Variants in ZNF814 observed in about 807,000 individuals in gnomAD.
ZNF814 encodes zinc finger protein 814.
In ZNF814, 5 loss-of-function variants were observed where a neutral mutation model predicts 7.5. That is an observed-to-expected ratio of 0.67 (90% CI 0.35 to 1.40). The LOEUF (loss-of-function observed/expected upper bound fraction) is 1.40, where lower values mean the gene tolerates loss of function less well. Among genes scored for constraint, ZNF814 ranks in the 40% most tolerant of loss-of-function variants. The pLI is 0.04. For missense variants in ZNF814, 962 were observed against 1,018.0 expected (o/e 0.94, Z 0.75); for synonymous variants, 315 against 340.7 (o/e 0.92, Z 0.83).
chr19:57,888,993 C>G lies in ZNF814; in HGVS notation c.-191G>C. On this transcript the variant is annotated 5_prime_UTR_variant, in exon 1 of 3. Coordinates refer to ENST00000435989, the MANE Select transcript of ZNF814 (RefSeq NM_001144989.2). Reference sequence around the variant, plus strand: ...TTCAGTCACCACAGTGCGGACCTAGCGCTCAGGAGCCTCTCCTACAAATAA... The same window carrying G: ...TTCAGTCACCACAGTGCGGACCTAGGGCTCAGGAGCCTCTCCTACAAATAA... 1.7e-6 allele frequency: 1 copy of G among 599,740 alleles called. No individual in the cohort carries two copies. The highest frequency in any genetic ancestry group is 2.9e-6 in the Non-Finnish European group (1 of 340,880). 37.2% of individuals were successfully genotyped at this position (599,740 alleles called of 1,614,324 possible).
chr19:57,885,747 G>T (rs1363928642), intron 1 of ZNF814: 1 of 151,512 alleles, frequency 6.6e-6, no homozygotes, highest in South Asian at 2.1e-4. Context: ...GCACAACAGG[G>T]TGACTACAGT....
chr19:57,892,888 T>C (rs1164759013), upstream of ZNF814, among the ~76,000 whole-genome samples: 1 of 152,228 alleles, frequency 6.6e-6, no homozygotes, highest in Non-Finnish European at 1.5e-5. Context: ...TTGAAACTCA[T>C]GGTCGGAGGT....
chr19:57,904,096 C>G, the ZNF814 span, among the ~76,000 whole-genome samples: 12 of 152,128 alleles, frequency 7.9e-5, no homozygotes, highest in Non-Finnish European at 1.5e-4. Flanking sequence ...GGAGTGTGTC[C>G]AGACTCACTG....
At chr19:57,889,468 G>A (rs2071720918), upstream of ZNF814, among the ~76,000 whole-genome samples, 1 of 152,208 alleles carries the variant, frequency 6.6e-6, no homozygotes, top group South Asian at 2.1e-4. Flanking sequence ...GGGAGCCTGA[G>A]GAGGGAGAAT....
the ZNF814 span, among the ~76,000 whole-genome samples, chr19:57,904,231 C>G: frequency 1.1e-4 from 17 of 152,330 alleles, no homozygotes; most frequent in East Asian, 3.3e-3. Flanking sequence ...TGATGCACCG[C>G]TTTCTACCCC....
At chr19:57,875,337 G>A (rs878866032) in intron 2 of ZNF814, 111 bp from the exon 3 acceptor site, 7 of 1,607,302 alleles carry the variant, frequency 4.4e-6, no homozygotes, top group African/African-American at 2.7e-5. Flanking sequence ...ACTACTTGGA[G>A]GAACAGGATG....
At chr19:57,878,684 CCT>C (rs764212690) in intron 1 of ZNF814, among the ~76,000 whole-genome samples, 13 of 152,008 alleles carry the variant, frequency 8.6e-5, no homozygotes, top group Non-Finnish European at 4.4e-5. Flanking sequence ...CTTTCAAACC[CCT>C]GATGTCAAAT....
chr19:57,885,505 A>G (rs2122463624), intron 1 of ZNF814, among the ~76,000 whole-genome samples: 1 of 150,608 alleles, frequency 6.6e-6, no homozygotes, highest in African/African-American at 2.4e-5. Flanking sequence ...TGGCAGGCAC[A>G]TGTAATCCCA....
chr19:57,873,768 A>G lies in ZNF814; in HGVS notation c.1622T>C (p.Ile541Thr), dbSNP rs749463356. 15 of 1,613,606 alleles carry G rather than the reference A, an allele frequency of 9.3e-6. No individual in the cohort carries two copies. In the African/African-American group the frequency reaches 1.9e-4, roughly 20 times the overall value. The change falls in exon 3 of 3, where the codon ATT (isoleucine) becomes ACT (threonine). Residue 541 changes from isoleucine to threonine, a missense_variant. Coordinates refer to ENST00000435989, the MANE Select transcript of ZNF814 (RefSeq NM_001144989.2). ...CTCATAAAGTCTGTCCCCAGTGTGA[A>G]TTTGCTGATGGTTCCTAAGATGTCC... ...SKGHLRNHQQ[I>T]HTGDRLYECG... is the part of the protein sequence containing the mutation.
rs1386756654 is a variant in ZNF814, at chr19:57,888,982, T to G, written c.-180A>C. 4.7e-6 allele frequency: 3 copies of G among 640,516 alleles called. No homozygotes were observed. Among genetic ancestry groups the G allele is most frequent in the Admixed American group, 2.9e-5 (1 of 34,314 alleles). The allele number at this position is 640,516 out of a possible 1,614,324, so 39.7% of individuals were successfully genotyped here. A position where few individuals can be genotyped will look rare whatever the true frequency, so the allele number is the denominator to read the frequency against. ...CGACTTCTGGGTTCAGTCACCACAG[T>G]GCGGACCTAGCGCTCAGGAGCCTCT... On this transcript the variant is annotated 5_prime_UTR_variant, in exon 1 of 3. Transcript: ENST00000435989.
In ZNF814 at chr19:57,874,059, G is replaced by C. The variant is rs1384894575; in HGVS notation, c.1331C>G (p.Ser444Cys). 3.1e-6 allele frequency: 5 copies of C among 1,609,742 alleles called. No homozygotes were observed. The highest frequency in any genetic ancestry group is 2.2e-5 in the East Asian group (1 of 44,618). ...CCTAAGATGTCCTTCTGAACTAAAA[G>C]ATTTCCCACATTCTTCACACCCATA... is the stretch of plus-strand genomic sequence containing the variant. ...KPYGCEECGK[S>C]FSSEGHLRSH... The change falls in exon 3 of 3, where the codon TCT (serine) becomes TGT (cysteine). Residue 444 changes from serine (S) to cysteine (C), a missense_variant. Transcript: ENST00000435989.
chr19:57,902,876 T>A, the ZNF814 span, among the ~76,000 whole-genome samples: 2 of 151,998 alleles, frequency 1.3e-5, no homozygotes, highest in Admixed American at 6.6e-5. Flanking sequence ...AGACGGAGTT[T>A]CACCGTGTTA....
chr19:57,873,385 A>C lies in ZNF814; in HGVS notation c.2005T>G (p.Phe669Val), dbSNP rs771976895. The C allele has an allele frequency of 2.6e-5, 41 of 1,607,740 alleles. No individual in the cohort carries two copies. Among genetic ancestry groups the C allele is most frequent in the African/African-American group, 5.4e-5 (4 of 74,664 alleles). The change falls in exon 3 of 3, where the codon TTT becomes GTT. Residue 669 changes from phenylalanine to valine, a missense_variant. Physicochemically the swap from Phe to Val is conservative, Grantham distance 50. Transcript: ENST00000435989. ...AGAATGAGGTTACCCTTGTGACTAA[A>C]ACATTTCCCACATTCCCCACACTTA... ...PFKCGECGKC[F>V]SHKGNLILHQ...
chr19:57,892,019 TG>T (rs2071737589), upstream of ZNF814, among the ~76,000 whole-genome samples: 2 of 152,196 alleles, frequency 1.3e-5, no homozygotes, highest in Non-Finnish European at 2.9e-5. Context: ...CCCAAAGTGT[TG>T]GGATTACAGG....
intron 2 of ZNF814, among the ~76,000 whole-genome samples, chr19:57,876,164 G>T (rs561767987): frequency 2.0e-5 from 3 of 151,704 alleles, no homozygotes; most frequent in Non-Finnish European, 4.4e-5. Flanking sequence ...CACCATCTTG[G>T]CCAGGCTGGT....
At chr19:57,883,111 C>T (rs1211118340) in intron 1 of ZNF814, among the ~76,000 whole-genome samples, 2 of 151,938 alleles carry the variant, frequency 1.3e-5, no homozygotes, top group Non-Finnish European at 2.9e-5. Context: ...GTAATCCCAG[C>T]ACTTTGGGAG....
chr19:57,893,746 C>T (rs1209983737), upstream of ZNF814, among the ~76,000 whole-genome samples: 1 of 151,702 alleles, frequency 6.6e-6, no homozygotes, highest in Non-Finnish European at 1.5e-5. Context: ...TGGTAAAACC[C>T]CGTCTCTACT....
upstream of ZNF814, among the ~76,000 whole-genome samples, chr19:57,890,245 A>G (rs1393672273): frequency 6.6e-6 from 1 of 152,130 alleles, no homozygotes; most frequent in African/African-American, 2.4e-5. Context: ...AAAGAAAAAG[A>G]GTTTTATTCA....
chr19:57,894,209 C>T, the ZNF814 span, among the ~76,000 whole-genome samples: 8 of 151,012 alleles, frequency 5.3e-5, no homozygotes, highest in Admixed American at 5.3e-4. Flanking sequence ...CCCGTCTCTA[C>T]TAAAAATACA....
Sources: allele counts gnomAD v4.1 joint callset (sites outside exome capture counted in the v4.1 genomes callset), GRCh38; gene constraint gnomAD v4.1.1; transcripts MANE v1.5; gene names NCBI Gene and HGNC (gene_info 2026-07-23, HGNC 2026-07-21).